PRKCZ: variants seen among roughly 807,000 people sequenced by gnomAD.
PRKCZ encodes the protein protein kinase C zeta, also known as protein kinase C zeta type.
A neutral mutation model predicts 79.5 loss-of-function variants in PRKCZ; 33 were observed. The observed-to-expected ratio is 0.41, with a 90% CI of 0.31 to 0.55. The LOEUF is 0.55. Among genes scored for constraint, PRKCZ ranks in the 20% least tolerant of loss-of-function variants. The probability of loss-of-function intolerance (pLI) is 0.19; values close to 1 mark genes in which losing one functional copy is unlikely to be tolerated. For missense variants in PRKCZ, 578 were observed against 813.5 expected (o/e 0.71, Z 3.52); for synonymous variants, 342 against 320.9 (o/e 1.07, Z -0.70).
At chr1:2,048,731 C>A (rs75148117), upstream of PRKCZ, among the ~76,000 whole-genome samples, 668 of 152,214 alleles carry the variant, frequency 4.4e-3, 25 homozygotes, top group East Asian at 0.092. Flanking sequence ...GCAAAGCGGG[C>A]CAAAGGCTGA....
rs532656822 is a variant in PRKCZ, at chr1:2,144,747, C to T, written c.552+406C>T. The T allele has an allele frequency of 4.1e-3, 2,686 of 658,260 alleles. 14 individuals are homozygous for T. The highest frequency in any genetic ancestry group is 7.4e-3 in the Middle Eastern group (15 of 2,026). The allele number at this position is 658,260 out of a possible 1,614,324, so 40.8% of individuals were successfully genotyped here. Reference sequence around the variant, plus strand: ...TCTGGAGCCTCTCCCTGGCATCCCCCCTGGGAAGCCATGCCCAGCCTGTGA... The same window carrying T: ...TCTGGAGCCTCTCCCTGGCATCCCCTCTGGGAAGCCATGCCCAGCCTGTGA... On this transcript the variant is annotated intron_variant, in intron 6 of 17. Transcript: ENST00000378567.
intron 1 of PRKCZ, among the ~76,000 whole-genome samples, chr1:2,052,634 C>T (rs1659787194): frequency 6.6e-6 from 1 of 152,062 alleles, no homozygotes; most frequent in Non-Finnish European, 1.5e-5. Flanking sequence ...GTACCCTTCT[C>T]CCCGTTCTGG....
intron 3 of PRKCZ, among the ~76,000 whole-genome samples, chr1:2,056,803 A>G (rs1571086479): frequency 6.9e-6 from 1 of 145,106 alleles, no homozygotes; most frequent in Non-Finnish European, 1.5e-5. Flanking sequence ...ATCTCAGCTC[A>G]CTGCAAGCTC....
chr1:2,144,396 A>C, intron 6 of PRKCZ, 55 bp downstream of exon 6: 1 of 1,535,266 alleles, frequency 6.5e-7, no homozygotes. Context: ...GGGGCGTGGC[A>C]GCCAGCCCAT....
intron 4 of PRKCZ, among the ~76,000 whole-genome samples, chr1:2,130,722 G>A (rs1674788818): frequency 6.6e-6 from 1 of 151,790 alleles, no homozygotes; most frequent in Non-Finnish European, 1.5e-5. Flanking sequence ...GTGGTGGGCA[G>A]TCTGCTTCCC....
intron 4 of PRKCZ, among the ~76,000 whole-genome samples, chr1:2,087,627 A>G (rs1345213232): frequency 6.6e-6 from 1 of 152,198 alleles, no homozygotes. Context: ...GTGATTACCG[A>G]GAGGAGTATA....
intron 10 of PRKCZ, among the ~76,000 whole-genome samples, chr1:2,167,986 A>T (rs1683666575): frequency 6.6e-6 from 1 of 152,154 alleles, no homozygotes; most frequent in African/African-American, 2.4e-5. Context: ...CAGGGGTTGG[A>T]GGCCTTCATG....
intron 10 of PRKCZ, among the ~76,000 whole-genome samples, chr1:2,162,740 G>A (rs1682562601): frequency 6.6e-6 from 1 of 152,312 alleles, no homozygotes; most frequent in South Asian, 2.1e-4. Context: ...GAGCCACGGT[G>A]CCTGGCCACT....
At chr1:2,091,252 C>A (rs946248530) in intron 4 of PRKCZ, among the ~76,000 whole-genome samples, 2 of 152,150 alleles carry the variant, frequency 1.3e-5, no homozygotes, top group East Asian at 1.9e-4. Flanking sequence ...GGCCAGGCTG[C>A]TCTCGAACTC....
chr1:2,181,538 C>G (rs1410599454), intron 16 of PRKCZ, among the ~76,000 whole-genome samples: 1 of 152,230 alleles, frequency 6.6e-6, no homozygotes, highest in Non-Finnish European at 1.5e-5. Context: ...TGTCAGGCAC[C>G]ATGGGTCCCG....
chr1:2,169,332 C>T (rs1683947844), intron 10 of PRKCZ, 186 bp from the exon 11 acceptor site: 4 of 645,886 alleles, frequency 6.2e-6, no homozygotes, highest in Non-Finnish European at 8.7e-6. Context: ...CCTTCACGAG[C>T]GGCCCCGCAG....
intron 4 of PRKCZ, among the ~76,000 whole-genome samples, chr1:2,084,303 C>T (rs767872979): frequency 6.6e-6 from 1 of 152,226 alleles, no homozygotes; most frequent in Non-Finnish European, 1.5e-5. Context: ...CTGGGTTCTG[C>T]AGGTCTTCCT....
intron 4 of PRKCZ, among the ~76,000 whole-genome samples, chr1:2,102,072 C>T (rs956841285): frequency 1.1e-4 from 16 of 152,210 alleles, no homozygotes; most frequent in East Asian, 3.9e-4. Context: ...CTCCTTTCCC[C>T]GGTCACCGCT....
chr1:2,120,302 T>TG (rs1671622423), intron 4 of PRKCZ, among the ~76,000 whole-genome samples: 1 of 126,420 alleles, frequency 7.9e-6, no homozygotes, highest in Non-Finnish European at 1.7e-5. Context: ...CGTTTTTTTT[T>TG]TTTTTTTTTT....
intron 7 of PRKCZ, among the ~76,000 whole-genome samples, chr1:2,146,910 ACCAGCCCTCAT>A (rs1678658510): frequency 6.6e-6 from 1 of 151,656 alleles, no homozygotes; most frequent in Non-Finnish European, 1.5e-5. Flanking sequence ...TAGCCAACCA[ACCAGCCCTCAT>A]CCAGCCAACC....
chr1:2,110,597 C>G (rs1364893042), intron 4 of PRKCZ, among the ~76,000 whole-genome samples: 1 of 152,198 alleles, frequency 6.6e-6, no homozygotes, highest in Non-Finnish European at 1.5e-5. Context: ...CTGGAGTCCC[C>G]TGAGTCCACT....
Position 2,173,890 on chromosome 1 carries a change from C to A in PRKCZ, c.1286-7C>A. On this transcript the variant is annotated splice_region_variant and splice_polypyrimidine_tract_variant and intron_variant, in intron 13 of 17. Coordinates refer to ENST00000378567, the MANE Select transcript of PRKCZ (RefSeq NM_002744.6). This position sits in a 1 kb window ranked among gnomAD's most constrained non-coding sequence, Gnocchi z 5.7. ...CCACTCGGTGATGGCTGTGTGCTCT[C>A]CCCCAGGGTTCAGCGTGGACTGGTG... 3.8e-6 allele frequency: 6 copies of A among 1,598,752 alleles called. No homozygotes were observed. Among genetic ancestry groups the A allele is most frequent in the Non-Finnish European group, 5.1e-6 (6 of 1,171,348 alleles).
chr1:2,050,601 C>T lies in PRKCZ; in HGVS notation c.-30C>T, dbSNP rs932236727. ...CGCCATGGCCGGAGCTCCCGGGGCG[C>T]AGCGCTGACGGCGGCGGGGGGAGCG... is the stretch of plus-strand genomic sequence containing the variant. On this transcript the variant is annotated 5_prime_UTR_variant, in exon 1 of 18. It introduces an in-frame stop codon into an upstream open reading frame of the 5' UTR. Coordinates refer to ENST00000378567, the MANE Select transcript of PRKCZ (RefSeq NM_002744.6). 1.7e-6 allele frequency: 2 copies of T among 1,210,984 alleles called. No homozygotes were observed. The highest frequency in any genetic ancestry group is 3.1e-5 in the African/African-American group (2 of 63,740). 75.0% of individuals were successfully genotyped at this position (1,210,984 alleles called of 1,614,324 possible).
At chr1:2,110,802 C>G (rs575411816) in intron 4 of PRKCZ, among the ~76,000 whole-genome samples, 140 of 151,616 alleles carry the variant, frequency 9.2e-4, no homozygotes, top group African/African-American at 3.2e-3. Flanking sequence ...ACAGTGGAGT[C>G]CCTGTGGGGG....
Sources: gnomAD v4.1 joint callset for allele counts (sites outside exome capture counted in the v4.1 genomes callset) on GRCh38, gnomAD v4.1.1 for gene constraint, Gnocchi (gnomAD v3.1) non-coding constraint, MANE v1.5 for transcripts, NCBI Gene and HGNC (gene_info 2026-07-23, HGNC 2026-07-21) for gene names.